The following MAN1A1 variants were observed in gnomAD, a reference collection of about 807,000 sequenced individuals.
MAN1A1 encodes mannosyl-oligosaccharide 1,2-alpha-mannosidase IA.
MAN1A1 carries 29 observed loss-of-function variants against 70.8 expected under a neutral mutation model. The observed-to-expected ratio is 0.41, with a 90% CI of 0.31 to 0.56. The LOEUF (loss-of-function observed/expected upper bound fraction) is 0.56. Among genes scored for constraint, MAN1A1 ranks in the 20% least tolerant of loss-of-function variants. The probability of loss-of-function intolerance (pLI) is 0.29; values close to 1 mark genes in which losing one functional copy is unlikely to be tolerated. For missense variants in MAN1A1, 747 were observed against 841.3 expected (o/e 0.89, Z 1.39); for synonymous variants, 349 against 330.1 (o/e 1.06, Z -0.62).
At chr6:119,201,163 C>G (rs1175213980) in intron 8 of MAN1A1, 91 bp downstream of exon 8, 4 of 933,062 alleles carry the variant, frequency 4.3e-6, no homozygotes, top group Non-Finnish European at 6.8e-6. Flanking sequence ...CTAAACATTT[C>G]TCAACAAAAT....
chr6:119,239,404 T>A (rs1442110753), intron 6 of MAN1A1, among the ~76,000 whole-genome samples: 1 of 152,174 alleles, frequency 6.6e-6, no homozygotes, highest in Non-Finnish European at 1.5e-5. Flanking sequence ...TAATTCTTCA[T>A]CCCATTTTTC....
chr6:119,274,022 C>A (rs1397251589), intron 5 of MAN1A1, among the ~76,000 whole-genome samples: 1 of 152,108 alleles, frequency 6.6e-6, no homozygotes, highest in Non-Finnish European at 1.5e-5. Flanking sequence ...AATAATTAAA[C>A]TCCATTATTT....
chr6:119,327,641 A>G (rs746139040), intron 2 of MAN1A1, among the ~76,000 whole-genome samples: 1 of 152,114 alleles, frequency 6.6e-6, no homozygotes, highest in Non-Finnish European at 1.5e-5. Context: ...AAACATGGTG[A>G]CTATAGCTAA....
At chr6:119,282,804 T>G (rs1048220060) in intron 5 of MAN1A1, among the ~76,000 whole-genome samples, 1 of 152,148 alleles carries the variant, frequency 6.6e-6, no homozygotes, top group African/African-American at 2.4e-5. Flanking sequence ...CTGATAAATA[T>G]AATTAAAATT....
Position 119,348,743 on chromosome 6 carries a change from C to G in MAN1A1, c.323G>C (p.Gly108Ala). 2 of 1,566,054 alleles carry G rather than the reference C, an allele frequency of 1.3e-6. No individual in the cohort carries two copies. The highest frequency in any genetic ancestry group is 5.1e-5 in the East Asian group (2 of 39,308). ...AEGRARRREE[G>A]APGDPEAALE... ...GGCGGCCTCCGGGTCCCCGGGTGCC[C>G]CCTCCTCGCGGCGCCGGGCTCGCCC... is the stretch of plus-strand genomic sequence containing the variant. Residue 108 changes from glycine (G) to alanine (A), a missense_variant, in exon 2 of 13, where the codon GGG (glycine) becomes GCG (alanine). Physicochemically the swap from Gly to Ala is moderately conservative, Grantham distance 60 (BLOSUM62 0). Around this residue, in one of 2 missense-constraint regions of MAN1A1, gnomAD observed 328 missense variants for 293.1 expected, o/e 1.12. Coordinates refer to ENST00000368468, the MANE Select transcript of MAN1A1 (RefSeq NM_005907.4).
intron 6 of MAN1A1, among the ~76,000 whole-genome samples, chr6:119,213,190 GTTTT>G (rs3839393): frequency 1.3e-5 from 2 of 151,804 alleles, no homozygotes; most frequent in Non-Finnish European, 2.9e-5. Flanking sequence ...CTTACTTTTG[GTTTT>G]TTTTATGAAA....
intron 2 of MAN1A1, among the ~76,000 whole-genome samples, chr6:119,321,425 C>T (rs931897976): frequency 6.6e-6 from 1 of 152,078 alleles, no homozygotes; most frequent in East Asian, 1.9e-4. Flanking sequence ...GTAAAATGCT[C>T]CTCCAAACCA....
chr6:119,180,526 T>TTTTA, intron 11 of MAN1A1, 99 bp from the exon 12 acceptor site: 1 of 674,248 alleles, frequency 1.5e-6, no homozygotes, highest in Non-Finnish European at 2.5e-6. Context: ...AACATTTTTT[T>TTTTA]TTTTTGAGAC....
At chr6:119,289,585 G>A (rs1336295909) in intron 5 of MAN1A1, among the ~76,000 whole-genome samples, 3 of 151,886 alleles carry the variant, frequency 2.0e-5, no homozygotes, top group Non-Finnish European at 4.4e-5. Flanking sequence ...CCCTGGCTGA[G>A]AAGGTAACAG....
At chr6:119,256,940 T>C (rs1312509490) in intron 5 of MAN1A1, among the ~76,000 whole-genome samples, 2 of 152,144 alleles carry the variant, frequency 1.3e-5, no homozygotes, top group African/African-American at 2.4e-5. Context: ...AAGTCAGCCA[T>C]ATAAAACCAT....
intron 12 of MAN1A1, 66 bp from the exon 13 acceptor site, chr6:119,180,011 C>G: frequency 6.7e-7 from 1 of 1,490,378 alleles, no homozygotes; most frequent in Non-Finnish European, 9.3e-7. Flanking sequence ...CACAAACACA[C>G]AGCAAAAACC....
chr6:119,253,038 T>TAA (rs897507655), intron 5 of MAN1A1, among the ~76,000 whole-genome samples: 1 of 149,062 alleles, frequency 6.7e-6, no homozygotes, highest in African/African-American at 2.5e-5. Flanking sequence ...TGAGTGAACA[T>TAA]AAAAAAAAAA....
chr6:119,349,113 C>G lies in MAN1A1; in HGVS notation c.-48G>C. The stretch of plus-strand genomic sequence containing the variant: ...GGCGCCGCGCCGCTCAGCAGCCAAA[C>G]TTCGCCGCCGCTGGGAGTCCGCGGC... On this transcript the variant is annotated 5_prime_UTR_variant, in exon 2 of 13. Coordinates refer to ENST00000368468, the MANE Select transcript of MAN1A1 (RefSeq NM_005907.4). The G allele has an allele frequency of 5.6e-6, 7 of 1,260,798 alleles. No individual in the cohort carries two copies. The highest frequency in any genetic ancestry group is 7.0e-6 in the Non-Finnish European group (7 of 1,004,522). 78.1% of individuals were successfully genotyped at this position (1,260,798 alleles called of 1,614,324 possible).
intron 5 of MAN1A1, among the ~76,000 whole-genome samples, chr6:119,261,424 C>T (rs1775610729): frequency 6.6e-6 from 1 of 152,142 alleles, no homozygotes; most frequent in African/African-American, 2.4e-5. Context: ...TTATTTAGTG[C>T]CTATGTACTT....
chr6:119,326,563 ACT>A (rs1258789996), intron 2 of MAN1A1, among the ~76,000 whole-genome samples: 3 of 152,112 alleles, frequency 2.0e-5, no homozygotes, highest in Admixed American at 2.0e-4. Context: ...CTGTTTTCAC[ACT>A]GTTATAAACA....
intron 6 of MAN1A1, among the ~76,000 whole-genome samples, chr6:119,237,559 C>T (rs371675271): frequency 2.0e-5 from 3 of 152,002 alleles, no homozygotes; most frequent in Non-Finnish European, 4.4e-5. Context: ...TCTCCCTCTC[C>T]CTCTCCCTCT....
At position 119,294,624 on chromosome 6, in the gene MAN1A1, T is replaced by C. The variant is rs557973635; in HGVS notation, c.817-3861A>G. On this transcript the variant is annotated intron_variant, in intron 4 of 12. Transcript: ENST00000368468. ...TCCCGTCTTTTATTTAAATTCCATG[T>C]ACCTATTAGTTAATGTCAACTGATA... is the stretch of plus-strand genomic sequence containing the variant. Among the ~76,000 whole-genome samples, 5 of 152,272 alleles carry C rather than the reference T, an allele frequency of 3.3e-5. No individual in the cohort carries two copies. The East Asian group carries it at 7.7e-4, about 23-fold the overall frequency.
chr6:119,260,685 C>G (rs375321964), intron 5 of MAN1A1, among the ~76,000 whole-genome samples: 12 of 152,172 alleles, frequency 7.9e-5, no homozygotes, highest in African/African-American at 2.9e-4. Flanking sequence ...TCATATATCC[C>G]ATTTCATGAC....
intron 6 of MAN1A1, among the ~76,000 whole-genome samples, chr6:119,209,501 T>C (rs985702122): frequency 3.3e-5 from 5 of 152,128 alleles, no homozygotes; most frequent in African/African-American, 1.2e-4. Context: ...ATTGCAAAGG[T>C]TCAGTCATGT....
Sources: gnomAD v4.1 joint callset for allele counts (sites outside exome capture counted in the v4.1 genomes callset) on GRCh38, gnomAD v4.1.1 for gene constraint, gnomAD v4.1.1 regional missense constraint, MANE v1.5 for transcripts, NCBI Gene and HGNC (gene_info 2026-07-23, HGNC 2026-07-21) for gene names.